Variants in BRI3BP observed in about 807,000 individuals in gnomAD.
The protein encoded by BRI3BP is BRI3 binding protein.
A neutral mutation model predicts 15.8 loss-of-function variants in BRI3BP; 7 were observed. The ratio of observed to expected loss-of-function variants is 0.44; its 90% CI spans 0.25 to 0.83. The LOEUF (loss-of-function observed/expected upper bound fraction) is 0.83. Ranked by LOEUF, BRI3BP falls within the 40% of genes least tolerant of loss-of-function variation. The pLI, the probability that BRI3BP is intolerant of heterozygous loss-of-function variation, is 0.20. For synonymous variants in BRI3BP, 192 were observed against 163.5 expected (o/e 1.17, Z -1.33); for missense variants, 320 against 339.3 (o/e 0.94, Z 0.45).
At chr12:125,023,999 A>C (rs145294491) in intron 2 of BRI3BP, among the ~76,000 whole-genome samples, 119 of 152,338 alleles carry the variant, frequency 7.8e-4, no homozygotes, top group African/African-American at 2.8e-3. Flanking sequence ...TGAACCTGGG[A>C]TGCAGAGGTT....
intron 1 of BRI3BP, among the ~76,000 whole-genome samples, chr12:125,008,542 G>A (rs568297930): frequency 6.6e-6 from 1 of 151,786 alleles, no homozygotes; most frequent in South Asian, 2.1e-4. Context: ...TAGATCTCCT[G>A]ACCTTGTGAT....
intron 1 of BRI3BP, among the ~76,000 whole-genome samples, chr12:125,004,002 C>A (rs4433660): frequency 0.25 from 5,862 of 23,724 alleles, 372 homozygotes; most frequent in East Asian, 0.55. Context: ...CACACACACA[C>A]AACACACAAT....
chr12:125,032,670 A>C (rs969925870), downstream of BRI3BP, among the ~76,000 whole-genome samples: 1 of 152,066 alleles, frequency 6.6e-6, no homozygotes, highest in African/African-American at 2.4e-5. Flanking sequence ...GCTACTCGGG[A>C]GGCTGACGTG....
chr12:124,998,913 C>T (rs149193946), intron 1 of BRI3BP, among the ~76,000 whole-genome samples: 17 of 152,028 alleles, frequency 1.1e-4, no homozygotes, highest in African/African-American at 2.2e-4. Flanking sequence ...CCCATCTCTA[C>T]GAAAAACCAA....
chr12:125,009,451 A>G (rs951525554), intron 1 of BRI3BP, among the ~76,000 whole-genome samples: 3 of 151,544 alleles, frequency 2.0e-5, no homozygotes, highest in Admixed American at 2.0e-4. Flanking sequence ...CACCACGCCC[A>G]GCTAATTTTT....
At chr12:125,043,053 G>C in the BRI3BP span, among the ~76,000 whole-genome samples, 78,927 of 150,028 alleles carry the variant, frequency 0.53, 23,376 homozygotes, top group East Asian at 0.7. Context: ...TGGTCTGGTA[G>C]ATGAGCTTGA....
At chr12:125,047,686 A>G in the BRI3BP span, among the ~76,000 whole-genome samples, 1 of 151,400 alleles carries the variant, frequency 6.6e-6, no homozygotes, top group Non-Finnish European at 1.5e-5. Context: ...CGTTTTATAC[A>G]GCTTTGATTT....
the BRI3BP span, among the ~76,000 whole-genome samples, chr12:125,038,938 AAATT>A: frequency 6.6e-6 from 1 of 151,780 alleles, no homozygotes; most frequent in Non-Finnish European, 1.5e-5. Flanking sequence ...AAAAATAGAA[AAATT>A]AGCCGGGCAT....
At chr12:125,024,126 G>C (rs1303060286) in intron 2 of BRI3BP, among the ~76,000 whole-genome samples, 4 of 152,198 alleles carry the variant, frequency 2.6e-5, no homozygotes, top group Non-Finnish European at 5.9e-5. Flanking sequence ...TCACAGTTCT[G>C]CGTGGCTCAG....
At chr12:125,033,836 C>T (rs186797486), downstream of BRI3BP, among the ~76,000 whole-genome samples, 13 of 151,652 alleles carry the variant, frequency 8.6e-5, no homozygotes, top group African/African-American at 1.5e-4. Context: ...TCCATCTCCA[C>T]GGTTCAAGCA....
At chr12:125,036,408 T>A in the BRI3BP span, among the ~76,000 whole-genome samples, 1 of 151,724 alleles carries the variant, frequency 6.6e-6, no homozygotes, top group Non-Finnish European at 1.5e-5. Context: ...TTTTTTTTAG[T>A]AGAGACAGGG....
chr12:125,022,727 A>G (rs1955311670), intron 2 of BRI3BP, among the ~76,000 whole-genome samples: 1 of 152,052 alleles, frequency 6.6e-6, no homozygotes, highest in African/African-American at 2.4e-5. Flanking sequence ...GGGTTTCACC[A>G]TGTTGGCCAG....
downstream of BRI3BP, among the ~76,000 whole-genome samples, chr12:125,031,572 C>CTTTTT (rs1168428069): frequency 6.4e-5 from 6 of 93,948 alleles, no homozygotes; most frequent in Non-Finnish European, 1.0e-4. Flanking sequence ...CCTTTTCTTT[C>CTTTTT]TATTTTTTTT....
chr12:125,036,396 A>AT, the BRI3BP span, among the ~76,000 whole-genome samples: 3 of 150,086 alleles, frequency 2.0e-5, no homozygotes, highest in Non-Finnish European at 4.4e-5. Flanking sequence ...TATTATTATT[A>AT]TTTTTTTTTA....
intron 1 of BRI3BP, among the ~76,000 whole-genome samples, chr12:124,999,113 C>A (rs756667951): frequency 5.3e-5 from 8 of 152,190 alleles, no homozygotes; most frequent in Non-Finnish European, 8.8e-5. Flanking sequence ...ATTTCAAGCA[C>A]CTACTGTATG....
At chr12:125,015,115 C>T (rs762680858) in intron 2 of BRI3BP, among the ~76,000 whole-genome samples, 79 of 152,300 alleles carry the variant, frequency 5.2e-4, no homozygotes, top group Non-Finnish European at 9.6e-4. Flanking sequence ...ACTGCTTAGC[C>T]AGTCATGTGG....
intron 2 of BRI3BP, among the ~76,000 whole-genome samples, chr12:125,019,650 TTTTTTTTGCC>T (rs1473630267): frequency 4.2e-4 from 14 of 33,250 alleles, no homozygotes; most frequent in Admixed American, 1.2e-3. Flanking sequence ...TTTTTTTTTT[TTTTTTTTGCC>T]TTTTTTGCTG....
At chr12:125,003,821 C>T (rs1216020288) in intron 1 of BRI3BP, among the ~76,000 whole-genome samples, 2 of 151,974 alleles carry the variant, frequency 1.3e-5, no homozygotes, top group African/African-American at 2.4e-5. Context: ...GGCATGGTGG[C>T]GCTCACCTAT....
Position 124,993,818 on chromosome 12 carries a change from C to G in BRI3BP, c.28C>G (p.Leu10Val), listed in dbSNP as rs1406953822. Residue 10 changes from leucine to valine, a missense_variant, in exon 1 of 3, where the codon CTG (leucine) becomes GTG (valine). Physicochemically the swap from Leu to Val is conservative, Grantham distance 32. Coordinates refer to ENST00000341446, the MANE Select transcript of BRI3BP (RefSeq NM_080626.6). Reference protein sequence around the residue: MGARASGGPLARAGLLLLLL... With the variant: MGARASGGPVARAGLLLLLL... ...GGGCGCGCGCGCCTCAGGCGGGCCC[C>G]TGGCCCGGGCCGGGCTCCTGCTGCT... is the stretch of plus-strand genomic sequence containing the variant. 3 of 1,119,836 alleles carry G rather than the reference C, an allele frequency of 2.7e-6. No homozygotes were observed. Among genetic ancestry groups the G allele is most frequent in the Non-Finnish European group, 3.3e-6 (3 of 920,666 alleles). 69.4% of individuals were successfully genotyped at this position (1,119,836 alleles called of 1,614,324 possible). A position where few individuals can be genotyped will look rare whatever the true frequency, so the allele number is the denominator to read the frequency against.
Sources: gnomAD v4.1 joint callset for allele counts (sites outside exome capture counted in the v4.1 genomes callset) on GRCh38, gnomAD v4.1.1 for gene constraint, MANE v1.5 for transcripts, NCBI Gene and HGNC (gene_info 2026-07-23, HGNC 2026-07-21) for gene names.